FYN: variants seen among roughly 807,000 people sequenced by gnomAD.
The protein encoded by FYN is FYN proto-oncogene, Src family tyrosine kinase.
A neutral mutation model predicts 70.2 loss-of-function variants in FYN; 10 were observed. The observed-to-expected ratio is 0.14, with a 90% CI of 0.09 to 0.24. The LOEUF (loss-of-function observed/expected upper bound fraction) is 0.24. Ranked by LOEUF, FYN falls within the 10% of genes least tolerant of loss-of-function variation. FYN has a pLI of 1.00. For missense variants in FYN, 319 were observed against 673.1 expected (o/e 0.47, Z 5.82); for synonymous variants, 236 against 248.6 (o/e 0.95, Z 0.48).
At chr6:111,793,419 C>T (rs766450355) in intron 2 of FYN, among the ~76,000 whole-genome samples, 3 of 152,044 alleles carry the variant, frequency 2.0e-5, no homozygotes, top group Non-Finnish European at 4.4e-5. Flanking sequence ...CTGCGCATCC[C>T]CAGATGAGAA....
intron 3 of FYN, among the ~76,000 whole-genome samples, chr6:111,745,536 T>C (rs1034191978): frequency 2.0e-5 from 3 of 152,124 alleles, no homozygotes; most frequent in African/African-American, 7.2e-5. Flanking sequence ...GGGAGCAGCT[T>C]TGTTTGGTGT....
At chr6:111,674,309 C>T (rs1023372574) in intron 13 of FYN, among the ~76,000 whole-genome samples, 190 bp downstream of exon 13, 1 of 152,198 alleles carries the variant, frequency 6.6e-6, no homozygotes, top group Admixed American at 6.5e-5. Flanking sequence ...TTCATGGTGG[C>T]TGCTTGTCTA....
At chr6:111,704,222 C>T in intron 6 of FYN, 120 bp from the exon 7 acceptor site, 1 of 705,346 alleles carries the variant, frequency 1.4e-6, no homozygotes, top group South Asian at 1.8e-5. Flanking sequence ...TAACCTTTCC[C>T]TGGATGTATT....
rs375525999 is a variant in FYN, at chr6:111,662,774, C to T, written c.1406-827G>A. Among the ~76,000 whole-genome samples the T allele has an allele frequency of 3.7e-4, 57 of 152,304 alleles. 1 individual carries two copies. The highest frequency in any genetic ancestry group is 1.3e-3 in the African/African-American group (53 of 41,560). On this transcript the variant is annotated intron_variant, in intron 13 of 13. Coordinates refer to ENST00000354650, the MANE Select transcript of FYN (RefSeq NM_002037.5). ...TGTTGGAGATCTGCCATCATGCCAG[C>T]GTGGCTGGGCACTGTCTGGCCCTGC...
At chr6:111,681,985 A>G (rs369491480) in intron 12 of FYN, among the ~76,000 whole-genome samples, 5 of 152,304 alleles carry the variant, frequency 3.3e-5, no homozygotes, top group African/African-American at 9.6e-5. Flanking sequence ...TCCTTTTACT[A>G]GTTCTTTCAT....
chr6:111,745,967 T>A (rs1441639566), intron 3 of FYN, among the ~76,000 whole-genome samples: 1 of 152,214 alleles, frequency 6.6e-6, no homozygotes, highest in Non-Finnish European at 1.5e-5. Context: ...AGGCACTGTA[T>A]GTTTCTCAAA....
Position 111,661,880 on chromosome 6 carries a change from G to A in FYN, c.1473C>T (p.Cys491=). The A allele has an allele frequency of 6.2e-7, 1 of 1,614,168 alleles. No homozygotes were observed. Among genetic ancestry groups the A allele is most frequent in the Middle Eastern group, 1.6e-4 (1 of 6,062 alleles). ...TCATGAGCTCATGCAGAGAGATGGG[G>A]CAGTCCTGCGGGCAGGGCATCCTGT... ...RGYRMPCPQD[C]PISLHELMIH... The change falls in exon 14 of 14, where the codon TGC becomes TGT. Residue 491 remains cysteine (C), a synonymous_variant. Coordinates refer to ENST00000354650, the MANE Select transcript of FYN (RefSeq NM_002037.5). The surrounding 1 kb of genome is among the most constrained non-coding windows in gnomAD (Gnocchi z 4.0).
At chr6:111,709,153 T>C (rs1225761385) in intron 5 of FYN, 2 of 151,924 alleles carry the variant, frequency 1.3e-5, no homozygotes, top group South Asian at 2.1e-4. Flanking sequence ...CCTCCTTTTT[T>C]GGTCCTTGGA....
At chr6:111,865,692 G>A (rs1219804768) in intron 1 of FYN, among the ~76,000 whole-genome samples, 1 of 152,040 alleles carries the variant, frequency 6.6e-6, no homozygotes. Flanking sequence ...TTTTTTCATA[G>A]GAGCCAAATG....
chr6:111,822,116 C>A (rs9487726), intron 2 of FYN, among the ~76,000 whole-genome samples: 39,638 of 152,106 alleles, frequency 0.26, 9,561 homozygotes, highest in African/African-American at 0.65. Flanking sequence ...TTGACCCAGC[C>A]ATCCCATTAC....
chr6:111,745,821 T>C (rs1802183084), intron 3 of FYN, among the ~76,000 whole-genome samples: 1 of 152,210 alleles, frequency 6.6e-6, no homozygotes, highest in African/African-American at 2.4e-5. Flanking sequence ...AATTCTGAAT[T>C]AACACAGCCC....
rs1030743684 is a variant in FYN, at chr6:111,759,582, G to A, written c.-12+20984C>T. ...GGTGCCCATTCTCATCAAGGACTGT[G>A]GATCTTTTGGTTCCCCCCCTAGGGG... On this transcript the variant is annotated intron_variant, in intron 3 of 13. Transcript: ENST00000354650. 9.2e-5 allele frequency among the ~76,000 whole-genome samples: 14 copies of A among 152,280 alleles called. 1 individual carries two copies. In the South Asian group the frequency reaches 1.7e-3, roughly 18 times the overall value.
At chr6:111,841,615 G>A (rs767570487) in intron 2 of FYN, among the ~76,000 whole-genome samples, 4 of 152,176 alleles carry the variant, frequency 2.6e-5, no homozygotes, top group Non-Finnish European at 5.9e-5. Context: ...ACCAGTGTTC[G>A]TTAATGTGTA....
At chr6:111,663,732 T>C (rs1486906150) in intron 13 of FYN, among the ~76,000 whole-genome samples, 2 of 152,184 alleles carry the variant, frequency 1.3e-5, no homozygotes, top group African/African-American at 2.4e-5. Context: ...CTCTGTGCCA[T>C]GCATGCCTTT....
intron 2 of FYN, among the ~76,000 whole-genome samples, chr6:111,835,096 C>T (rs573960473): frequency 6.6e-6 from 1 of 152,252 alleles, no homozygotes; most frequent in African/African-American, 2.4e-5. Context: ...ATTCTAAAAG[C>T]TTTTCTTATT....
chr6:111,803,882 T>G (rs1772065916), intron 2 of FYN, among the ~76,000 whole-genome samples: 1 of 152,208 alleles, frequency 6.6e-6, no homozygotes, highest in African/African-American at 2.4e-5. Context: ...ATATGGGATA[T>G]TTTGCTTTCC....
rs138595423 is a variant in FYN, at chr6:111,784,273, A to G, written c.-81-3638T>C. On this transcript the variant is annotated intron_variant, in intron 2 of 13. Coordinates refer to ENST00000354650, the MANE Select transcript of FYN (RefSeq NM_002037.5). ...ATTTCCAAGAAATGTCTTCTTGTTT[A>G]GGACTCCTTGACTTGGGTTTTCAAT... 2.2e-4 allele frequency among the ~76,000 whole-genome samples: 34 copies of G among 152,308 alleles called. No homozygotes were observed. The East Asian group carries it at 6.6e-3, about 29-fold the overall frequency.
At chr6:111,671,051 G>C (rs535642726) in intron 13 of FYN, among the ~76,000 whole-genome samples, 1 of 152,302 alleles carries the variant, frequency 6.6e-6, no homozygotes, top group East Asian at 1.9e-4. Context: ...TGCTAGCGGG[G>C]AACTGATGGA....
chr6:111,870,591 A>G (rs1175408604), intron 1 of FYN, among the ~76,000 whole-genome samples: 3 of 152,238 alleles, frequency 2.0e-5, no homozygotes, highest in South Asian at 2.1e-4. Flanking sequence ...GGTTCCTTTT[A>G]TCAATGTGCT....
Sources: gnomAD v4.1 joint callset for allele counts (sites outside exome capture counted in the v4.1 genomes callset) on GRCh38, gnomAD v4.1.1 for gene constraint, Gnocchi (gnomAD v3.1) non-coding constraint, MANE v1.5 for transcripts, NCBI Gene and HGNC (gene_info 2026-07-23, HGNC 2026-07-21) for gene names.